The following LRMDA variants were observed in gnomAD, a reference collection of about 807,000 sequenced individuals.
The protein encoded by LRMDA is leucine rich melanocyte differentiation associated, also known as leucine-rich melanocyte differentiation-associated protein.
LRMDA carries 18 observed loss-of-function variants against 29.8 expected under a neutral mutation model. The ratio of observed to expected loss-of-function variants is 0.60; its 90% CI spans 0.42 to 0.90. The LOEUF is 0.90. LRMDA is among the 40% of genes least tolerant of loss of function. LRMDA has a pLI of 0.00. For missense variants in LRMDA, 273 were observed against 273.9 expected, an observed-to-expected ratio of 1.00 and a Z score of 0.02; for synonymous variants, 125 against 109.4, an observed-to-expected ratio of 1.14 and a Z score of -0.89.
chr10:76,173,046 G>C (rs1254837791), intron 5 of LRMDA, among the ~76,000 whole-genome samples: 1 of 134,482 alleles, frequency 7.4e-6, no homozygotes, highest in African/African-American at 3.1e-5. Context: ...AAGCATGAAA[G>C]TGTTAAGAAG....
intron 6 of LRMDA, among the ~76,000 whole-genome samples, chr10:76,348,103 C>A (rs1422511612): frequency 6.6e-6 from 1 of 151,832 alleles, no homozygotes; most frequent in African/African-American, 2.4e-5. Context: ...GGGGATAGAC[C>A]CCATCATTAA....
chr10:75,777,596 G>C (rs1284707321), intron 2 of LRMDA, among the ~76,000 whole-genome samples: 3 of 152,178 alleles, frequency 2.0e-5, no homozygotes, highest in Non-Finnish European at 2.9e-5. Flanking sequence ...TCCTGACTGG[G>C]GACCTACTTT....
intron 2 of LRMDA, among the ~76,000 whole-genome samples, chr10:75,550,500 G>A (rs982199945): frequency 1.3e-5 from 2 of 151,964 alleles, no homozygotes; most frequent in Admixed American, 6.6e-5. Flanking sequence ...TTTGTGTAAT[G>A]TTTGTGTTGT....
intron 2 of LRMDA, among the ~76,000 whole-genome samples, chr10:75,698,020 C>G (rs1298403451): frequency 6.6e-6 from 1 of 152,120 alleles, no homozygotes; most frequent in Admixed American, 6.6e-5. Context: ...AGTAGATACT[C>G]TTATTATCCC....
chr10:75,982,311 G>A (rs943209999), intron 2 of LRMDA, among the ~76,000 whole-genome samples: 79 of 152,288 alleles, frequency 5.2e-4, no homozygotes, highest in African/African-American at 1.8e-3. Context: ...GGAAAGGGGC[G>A]ATTCCCCCTT....
chr10:75,607,591 A>T (rs1465047938), intron 2 of LRMDA, among the ~76,000 whole-genome samples: 2 of 152,094 alleles, frequency 1.3e-5, no homozygotes, highest in Admixed American at 1.3e-4. Context: ...TTTCCTCCAC[A>T]TTTAATTATC....
At chr10:76,037,794 A>G (rs1410946931) in intron 3 of LRMDA, among the ~76,000 whole-genome samples, 4 of 152,194 alleles carry the variant, frequency 2.6e-5, no homozygotes, top group African/African-American at 9.7e-5. Context: ...ACATACCATC[A>G]TTTTGGGGAT....
chr10:75,702,003 T>G (rs529542782), intron 2 of LRMDA, among the ~76,000 whole-genome samples: 1 of 152,210 alleles, frequency 6.6e-6, no homozygotes, highest in African/African-American at 2.4e-5. Flanking sequence ...CAGAAGGCTC[T>G]TACCGCTGGG....
chr10:76,132,966 C>CCTTTTT (rs1850022903), intron 5 of LRMDA, among the ~76,000 whole-genome samples: 2 of 57,372 alleles, frequency 3.5e-5, no homozygotes, highest in African/African-American at 1.4e-4. Flanking sequence ...CCACGCCCGG[C>CCTTTTT]TTTTTTTTTT....
At chr10:76,234,644 T>A (rs1028805506) in intron 5 of LRMDA, among the ~76,000 whole-genome samples, 1 of 152,226 alleles carries the variant, frequency 6.6e-6, no homozygotes, top group African/African-American at 2.4e-5. Flanking sequence ...ATCTCCTGGA[T>A]AATTTGCTGC....
At chr10:76,228,307 C>G (rs992807674) in intron 5 of LRMDA, among the ~76,000 whole-genome samples, 11 of 152,182 alleles carry the variant, frequency 7.2e-5, no homozygotes, top group African/African-American at 2.6e-4. Context: ...CTACCACGCC[C>G]GGCAGGAAAT....
chr10:75,629,009 C>G (rs552507556), intron 2 of LRMDA, among the ~76,000 whole-genome samples: 21 of 152,314 alleles, frequency 1.4e-4, no homozygotes, highest in African/African-American at 5.1e-4. Flanking sequence ...TTCTTCAGGG[C>G]TTCACTGCTT....
chr10:76,487,702 G>C (rs760679648), intron 6 of LRMDA, among the ~76,000 whole-genome samples: 3 of 151,838 alleles, frequency 2.0e-5, no homozygotes, highest in Non-Finnish European at 4.4e-5. Context: ...AACAACTAAA[G>C]CTAACTTGGA....
intron 5 of LRMDA, among the ~76,000 whole-genome samples, chr10:76,166,897 T>C (rs956326804): frequency 6.6e-6 from 1 of 152,210 alleles, no homozygotes; most frequent in African/African-American, 2.4e-5. Flanking sequence ...TGAACTAATC[T>C]AGACTCCCAC....
chr10:75,613,578 T>TA (rs1381440990), intron 2 of LRMDA, among the ~76,000 whole-genome samples: 1 of 152,220 alleles, frequency 6.6e-6, no homozygotes, highest in African/African-American at 2.4e-5. Context: ...GCAGCACCTT[T>TA]AGGTGTGATT....
chr10:76,284,029 G>T (rs151240524), intron 5 of LRMDA, among the ~76,000 whole-genome samples: 150 of 152,244 alleles, frequency 9.9e-4, no homozygotes, highest in African/African-American at 3.4e-3. Flanking sequence ...CCACTGTTCT[G>T]CATCCTGGTC....
intron 5 of LRMDA, among the ~76,000 whole-genome samples, chr10:76,244,629 CA>C (rs1302732983): frequency 6.6e-6 from 1 of 152,108 alleles, no homozygotes; most frequent in East Asian, 1.9e-4. Context: ...AAGGAGGTCT[CA>C]GGGTACATTC....
intron 5 of LRMDA, among the ~76,000 whole-genome samples, chr10:76,168,332 C>T (rs1850776960): frequency 6.6e-6 from 1 of 152,160 alleles, no homozygotes. Flanking sequence ...ATCTCAGTGA[C>T]ACCAGATTTC....
intron 2 of LRMDA, among the ~76,000 whole-genome samples, chr10:75,846,177 T>TGTGTGTG (rs1844633347): frequency 4.9e-5 from 7 of 143,082 alleles, no homozygotes; most frequent in African/African-American, 1.8e-4. Flanking sequence ...GTGTGTGTGT[T>TGTGTGTG]TGTGTGTGTG....
Sources: gnomAD v4.1 joint callset for allele counts (sites outside exome capture counted in the v4.1 genomes callset) on GRCh38, gnomAD v4.1.1 for gene constraint, MANE v1.5 for transcripts, NCBI Gene and HGNC (gene_info 2026-07-23, HGNC 2026-07-21) for gene names.